ZNF516: variants seen among roughly 807,000 people sequenced by gnomAD.
ZNF516 encodes the protein zinc finger protein 516.
ZNF516 carries 19 observed loss-of-function variants against 79.7 expected under a neutral mutation model. The ratio of observed to expected loss-of-function variants is 0.24; its 90% CI spans 0.17 to 0.35. The LOEUF (loss-of-function observed/expected upper bound fraction) is 0.35, where lower values mean the gene tolerates loss of function less well. Among genes scored for constraint, ZNF516 ranks in the 10% least tolerant of loss-of-function variants. ZNF516 has a pLI of 1.00. For synonymous variants in ZNF516, 877 were observed against 739.5 expected (o/e 1.19, Z -3.02); for missense variants, 1,678 against 1,679.5 (o/e 1.00, Z 0.02).
intron 3 of ZNF516, among the ~76,000 whole-genome samples, chr18:76,401,202 G>A (rs1440626839): frequency 6.6e-6 from 1 of 150,938 alleles, no homozygotes; most frequent in Non-Finnish European, 1.5e-5. Context: ...GCAACCTCCG[G>A]CATAAATGGG....
At chr18:76,413,979 T>C (rs192148509) in intron 3 of ZNF516, among the ~76,000 whole-genome samples, 14 of 152,368 alleles carry the variant, frequency 9.2e-5, no homozygotes, top group African/African-American at 3.1e-4. Flanking sequence ...AGAAATTTCA[T>C]GTCACTTTTT....
intron 3 of ZNF516, among the ~76,000 whole-genome samples, chr18:76,410,378 C>A (rs114570238): frequency 6.6e-6 from 1 of 152,208 alleles, no homozygotes; most frequent in Non-Finnish European, 1.5e-5. Flanking sequence ...GCGGTTTTGA[C>A]TGTGGCTTCT....
chr18:76,397,756 C>G (rs1364725894), intron 3 of ZNF516, among the ~76,000 whole-genome samples: 1 of 152,160 alleles, frequency 6.6e-6, no homozygotes, highest in Admixed American at 6.5e-5. Context: ...TGCTACCATG[C>G]TTGGCTACTT....
intron 3 of ZNF516, among the ~76,000 whole-genome samples, chr18:76,423,338 C>T (rs1333798064): frequency 6.6e-6 from 1 of 152,252 alleles, no homozygotes; most frequent in Non-Finnish European, 1.5e-5. Flanking sequence ...GCAATGTGAA[C>T]TGACAGTACC....
intron 3 of ZNF516, among the ~76,000 whole-genome samples, chr18:76,392,522 A>AC (rs1258447169): frequency 7.4e-4 from 100 of 134,412 alleles, no homozygotes; most frequent in South Asian, 5.2e-3. Context: ...GTAGGTGGCC[A>AC]GGTGGGGGAA....
intron 1 of ZNF516, among the ~76,000 whole-genome samples, chr18:76,471,390 G>A (rs563871795): frequency 5.3e-5 from 8 of 152,208 alleles, no homozygotes; most frequent in Admixed American, 1.3e-4. Context: ...CCCCAGACAC[G>A]GACTGATTCC....
intron 3 of ZNF516, among the ~76,000 whole-genome samples, chr18:76,408,338 G>T (rs1443060299): frequency 6.6e-6 from 1 of 152,228 alleles, no homozygotes; most frequent in East Asian, 1.9e-4. Context: ...GGCTGGTGTG[G>T]ACAGCAAGCT....
rs987307438 is a variant in ZNF516 at position 76,450,310 on chromosome 18, C to G, written c.-157-7099G>C. On this transcript the variant is annotated intron_variant, in intron 2 of 6. Coordinates refer to ENST00000443185, the MANE Select transcript of ZNF516 (RefSeq NM_014643.4). ...CAAAAGCAAAGCAGCTCTGAGGGAC[C>G]TGGTAGGCCTCTTCCCCTATCTGCC... Among the ~76,000 whole-genome samples, 14 of 152,082 alleles carry G rather than the reference C, an allele frequency of 9.2e-5. No homozygotes were observed. In the East Asian group the frequency reaches 2.7e-3, roughly 29 times the overall value.
At chr18:76,401,874 A>ACCAACCACAGCCCCGCGCCGCACCC (rs1568262017) in intron 3 of ZNF516, among the ~76,000 whole-genome samples, 1 of 148,010 alleles carries the variant, frequency 6.8e-6, no homozygotes, top group Non-Finnish European at 1.5e-5. Flanking sequence ...CCCCTCCACT[A>ACCAACCACAGCCCCGCGCCGCACCC]CTGTTTATAG....
chr18:76,462,426 C>T (rs779065386), intron 2 of ZNF516, among the ~76,000 whole-genome samples: 6 of 152,212 alleles, frequency 3.9e-5, no homozygotes, highest in Non-Finnish European at 5.9e-5. Context: ...GAAACATCGC[C>T]GTCAGGGCAG....
intron 3 of ZNF516, among the ~76,000 whole-genome samples, chr18:76,435,630 C>T (rs1450768638): frequency 6.6e-6 from 1 of 152,208 alleles, no homozygotes; most frequent in Non-Finnish European, 1.5e-5. Flanking sequence ...AACACTGCTG[C>T]ATTTTTATAC....
chr18:76,463,910 T>C (rs1913280135), intron 1 of ZNF516, among the ~76,000 whole-genome samples: 1 of 152,194 alleles, frequency 6.6e-6, no homozygotes, highest in African/African-American at 2.4e-5. Flanking sequence ...TTCTCAGTCC[T>C]GAACTACACA....
chr18:76,442,753 G>T lies in ZNF516; in HGVS notation c.302C>A (p.Pro101Gln), dbSNP rs1209823962. Residue 101 changes from proline (P) to glutamine (Q), a missense_variant, in exon 3 of 7, where the codon CCG becomes CAG. Pro to Gln is a moderately conservative substitution (Grantham distance 76, BLOSUM62 -1). Coordinates refer to ENST00000443185, the MANE Select transcript of ZNF516 (RefSeq NM_014643.4). ...CTCGGAGGCGCGCATCTCACCCAGC[G>T]GCGCCTCGCCCGCCTCCGGCTCGTG... ...QGHEPEAGEA[P>Q]LGEMRASEGL... The T allele has an allele frequency of 1.9e-6, 3 of 1,586,598 alleles. No individual in the cohort carries two copies.
chr18:76,366,971 T>C (rs367913772), intron 6 of ZNF516, among the ~76,000 whole-genome samples: 2 of 152,358 alleles, frequency 1.3e-5, no homozygotes, highest in African/African-American at 4.8e-5. Flanking sequence ...AATTTAAATG[T>C]TGACAGCTAT....
chr18:76,464,765 G>C (rs1388749779), intron 1 of ZNF516, among the ~76,000 whole-genome samples: 1 of 152,190 alleles, frequency 6.6e-6, no homozygotes, highest in Non-Finnish European at 1.5e-5. Context: ...GGGCCTCTCT[G>C]GCACCCCAGC....
upstream of ZNF516, chr18:76,495,755 C>A: frequency 1.7e-6 from 2 of 1,167,894 alleles, no homozygotes; most frequent in South Asian, 1.5e-5. Context: ...CCCATCTGGA[C>A]TGAAATGGGG....
At chr18:76,411,722 C>T (rs886451831) in intron 3 of ZNF516, among the ~76,000 whole-genome samples, 4 of 152,126 alleles carry the variant, frequency 2.6e-5, no homozygotes, top group African/African-American at 9.7e-5. Context: ...GCTCCAAAGA[C>T]CTGAAACCTC....
intron 4 of ZNF516, among the ~76,000 whole-genome samples, chr18:76,373,283 G>T (rs2074736668): frequency 2.0e-5 from 3 of 151,348 alleles, no homozygotes; most frequent in Admixed American, 2.0e-4. Context: ...AGACAGGAGA[G>T]GAGAAAAGGG....
intron 1 of ZNF516, among the ~76,000 whole-genome samples, chr18:76,473,609 A>G (rs55634162): frequency 0.1 from 15,261 of 151,928 alleles, 812 homozygotes; most frequent in Non-Finnish European, 0.12. Context: ...AGACCATCCT[A>G]GCTAACACGG....
Sources: allele counts gnomAD v4.1 joint callset (sites outside exome capture counted in the v4.1 genomes callset), GRCh38; gene constraint gnomAD v4.1.1; transcripts MANE v1.5; gene names NCBI Gene and HGNC (gene_info 2026-07-23, HGNC 2026-07-21).